Variants in TIAM1 observed in about 807,000 individuals in gnomAD.
TIAM1 encodes the protein rho guanine nucleotide exchange factor TIAM1.
A neutral mutation model predicts 163.5 loss-of-function variants in TIAM1; 65 were observed. That is an observed-to-expected ratio of 0.40 (90% CI 0.33 to 0.49). The LOEUF is 0.49. TIAM1 is among the 20% of genes least tolerant of loss of function. The probability of loss-of-function intolerance (pLI) is 0.77; values close to 1 mark genes in which losing one functional copy is unlikely to be tolerated. For synonymous variants in TIAM1, 833 were observed against 810.1 expected (o/e 1.03, Z -0.48); for missense variants, 1,789 against 2,044.7 (o/e 0.87, Z 2.41).
chr21:31,360,013 T>TA (rs2076382913), intron 2 of TIAM1, among the ~76,000 whole-genome samples: 1 of 151,562 alleles, frequency 6.6e-6, no homozygotes, highest in African/African-American at 2.4e-5. Flanking sequence ...ACAGAATAAA[T>TA]AAAAATATAT....
upstream of TIAM1, among the ~76,000 whole-genome samples, chr21:31,346,613 C>T (rs1027085907): frequency 1.3e-5 from 2 of 152,218 alleles, no homozygotes; most frequent in African/African-American, 2.4e-5. Context: ...GTGACAGATA[C>T]TGAGACAAAG....
At chr21:31,293,116 G>A (rs1002442032) in intron 2 of TIAM1, among the ~76,000 whole-genome samples, 1 of 152,298 alleles carries the variant, frequency 6.6e-6, no homozygotes, top group African/African-American at 2.4e-5. Context: ...GAGCCACCGT[G>A]CCCAGCCAAG....
chr21:31,133,139 C>T (rs1231584983), intron 23 of TIAM1, among the ~76,000 whole-genome samples: 1 of 152,198 alleles, frequency 6.6e-6, no homozygotes, highest in African/African-American at 2.4e-5. Flanking sequence ...CCTTGCTCAG[C>T]CTTTCTGCTA....
At chr21:31,543,647 G>T (rs2048392060) in intron 1 of TIAM1, among the ~76,000 whole-genome samples, 1 of 152,182 alleles carries the variant, frequency 6.6e-6, no homozygotes, top group Admixed American at 6.5e-5. Context: ...TGCAGAAATA[G>T]AAATGTCCCA....
At chr21:31,350,000 C>T (rs2076208307) in intron 2 of TIAM1, among the ~76,000 whole-genome samples, 1 of 152,216 alleles carries the variant, frequency 6.6e-6, no homozygotes, top group Non-Finnish European at 1.5e-5. Flanking sequence ...ATAAGCCAAC[C>T]CTGTTTCTTA....
chr21:31,184,275 T>A (rs539789249), intron 14 of TIAM1, among the ~76,000 whole-genome samples: 39 of 152,174 alleles, frequency 2.6e-4, no homozygotes, highest in Middle Eastern at 6.8e-3. Flanking sequence ...CCAGCTAATT[T>A]TTGTATTTTT....
intron 2 of TIAM1, among the ~76,000 whole-genome samples, chr21:31,442,066 A>AAAAAAAAAAT (rs1202451553): frequency 2.7e-4 from 5 of 18,786 alleles, no homozygotes; most frequent in African/African-American, 1.2e-3. Flanking sequence ...AGAACAAATA[A>AAAAAAAAAAT]ATAAATATAT....
intron 2 of TIAM1, among the ~76,000 whole-genome samples, chr21:31,375,669 A>C (rs572959108): frequency 2.6e-5 from 4 of 152,330 alleles, no homozygotes; most frequent in African/African-American, 9.6e-5. Flanking sequence ...CCACCAAAAA[A>C]ACCCATAAAT....
intron 2 of TIAM1, among the ~76,000 whole-genome samples, chr21:31,356,543 G>A (rs914864983): frequency 1.3e-5 from 2 of 152,064 alleles, no homozygotes; most frequent in African/African-American, 2.4e-5. Flanking sequence ...CCCAGGATTG[G>A]GATTAGTGCT....
At chr21:31,497,114 C>T (rs1476209461) in intron 1 of TIAM1, among the ~76,000 whole-genome samples, 2 of 152,180 alleles carry the variant, frequency 1.3e-5, no homozygotes, top group Non-Finnish European at 2.9e-5. Flanking sequence ...TGACCGGTAT[C>T]GGTCAGGGGT....
chr21:31,491,080 G>A (rs939995341), intron 1 of TIAM1, among the ~76,000 whole-genome samples: 6 of 152,178 alleles, frequency 3.9e-5, no homozygotes, highest in African/African-American at 4.8e-5. Flanking sequence ...GCCGTGAGCC[G>A]GGATTGCGCC....
intron 2 of TIAM1, among the ~76,000 whole-genome samples, chr21:31,312,592 A>C (rs2074972689): frequency 6.6e-6 from 1 of 152,156 alleles, no homozygotes; most frequent in African/African-American, 2.4e-5. Context: ...ATACACCCAA[A>C]AGGAAAAAAA....
In TIAM1 at chr21:31,118,493, CTTCT is replaced by C. The variant is rs1188364082; in HGVS notation, c.*1871_*1874del. 2.8e-4 allele frequency: 124 copies of C among 441,104 alleles called. 1 individual carries two copies. The Middle Eastern group carries it at 0.011, about 40-fold the overall frequency. 27.3% of individuals were successfully genotyped at this position (441,104 alleles called of 1,614,324 possible). A position where few individuals can be genotyped will look rare whatever the true frequency, so the allele number is the denominator to read the frequency against. ...TAGACCTAAAAACATAAAAATAGAC[CTTCT>C]TTCAGCTTATAAAAGAAATATATAA... On this transcript the variant is annotated 3_prime_UTR_variant, in exon 28 of 28. Coordinates refer to ENST00000541036, the MANE Select transcript of TIAM1 (RefSeq NM_001353694.2).
At chr21:31,228,456 CAAG>C (rs2088192292) in intron 6 of TIAM1, among the ~76,000 whole-genome samples, 1 of 151,950 alleles carries the variant, frequency 6.6e-6, no homozygotes, top group Admixed American at 6.6e-5. Context: ...GGTACACACT[CAAG>C]AGAAATGCAC....
At chr21:31,362,445 AATTATTATT>A (rs10634487) in intron 2 of TIAM1, among the ~76,000 whole-genome samples, 82 of 142,778 alleles carry the variant, frequency 5.7e-4, no homozygotes, top group South Asian at 2.6e-3. Flanking sequence ...ATGCAGTGAC[AATTATTATT>A]ATTATTATTA....
intron 2 of TIAM1, among the ~76,000 whole-genome samples, chr21:31,461,391 A>G (rs2284521): frequency 0.81 from 122,971 of 152,078 alleles, 50,026 homozygotes; most frequent in East Asian, 0.88. Flanking sequence ...GGCTGAGGCA[A>G]AAGAATTGTT....
intron 4 of TIAM1, among the ~76,000 whole-genome samples, chr21:31,255,076 C>T: frequency 6.6e-6 from 1 of 152,214 alleles, no homozygotes; most frequent in Admixed American, 6.5e-5. Flanking sequence ...TTGCCATGAC[C>T]AGACTGTGTG....
chr21:31,441,113 T>C (rs1415125329), intron 2 of TIAM1, among the ~76,000 whole-genome samples: 2 of 152,182 alleles, frequency 1.3e-5, no homozygotes, highest in Non-Finnish European at 1.5e-5. Flanking sequence ...TTTTATGAAC[T>C]CAGGATATGG....
chr21:31,521,745 A>AAC (rs35006738), intron 1 of TIAM1, among the ~76,000 whole-genome samples: 6,443 of 146,796 alleles, frequency 0.044, 193 homozygotes, highest in South Asian at 0.092. Flanking sequence ...CTCACACACA[A>AAC]ACACACACAC....
Sources: allele counts gnomAD v4.1 joint callset (sites outside exome capture counted in the v4.1 genomes callset), GRCh38; gene constraint gnomAD v4.1.1; transcripts MANE v1.5; gene names NCBI Gene and HGNC (gene_info 2026-07-23, HGNC 2026-07-21).